BRCA2: variants seen among roughly 807,000 people sequenced by gnomAD.
BRCA2 encodes the protein breast cancer type 2 susceptibility protein.
Under a neutral mutation model 276.7 loss-of-function variants are expected in BRCA2, and 203 were observed. That is an observed-to-expected ratio of 0.73 (90% CI 0.65 to 0.82). The LOEUF is 0.82. Among genes scored for constraint, BRCA2 ranks in the 40% least tolerant of loss-of-function variants. The probability of loss-of-function intolerance (pLI) is 0.00; values close to 1 mark genes in which losing one functional copy is unlikely to be tolerated. For missense variants in BRCA2, 3,920 were observed against 3,915.0 expected, an observed-to-expected ratio of 1.00 and a Z score of -0.03; for synonymous variants, 1,289 against 1,338.4, an observed-to-expected ratio of 0.96 and a Z score of 0.81.
rs79347017 is a variant in BRCA2, at chr13:32,327,930, A to G, written c.631+1317A>G. Among the ~76,000 whole-genome samples the G allele has an allele frequency of 0.041, 6,216 of 151,910 alleles. 220 individuals are homozygous for G. The highest frequency in any genetic ancestry group is 0.11 in the South Asian group (548 of 4,806). ...GGACTACAGGTACCATGCCACCAGTATACTACCAGTCCTGGCTAATTTTTT... is the reference window on the plus strand; with the variant it reads ...GGACTACAGGTACCATGCCACCAGTGTACTACCAGTCCTGGCTAATTTTTT... On this transcript the variant is annotated intron_variant, in intron 7 of 26. Transcript: ENST00000380152.
intron 24 of BRCA2, among the ~76,000 whole-genome samples, chr13:32,392,243 T>C (rs2137647313): frequency 6.6e-6 from 1 of 152,312 alleles, no homozygotes; most frequent in African/African-American, 2.4e-5. Context: ...AACGGATACA[T>C]AATTCTCAGA....
chr13:32,379,263 A>G (rs2072895649), intron 21 of BRCA2, 54 bp from the exon 22 acceptor site: 3 of 1,575,868 alleles, frequency 1.9e-6, no homozygotes, highest in Admixed American at 1.7e-5. Context: ...GTTACAATAG[A>G]TGGAACTTTT....
chr13:32,332,348 C>A lies in BRCA2; in HGVS notation c.870C>A (p.Val290=), dbSNP rs1177514552. The A allele has an allele frequency of 6.3e-7, 1 of 1,597,638 alleles. No homozygotes were observed. Among genetic ancestry groups the A allele is most frequent in the South Asian group, 1.1e-5 (1 of 87,742 alleles). The change falls in exon 10 of 27, where the codon GTC becomes GTA. Residue 290 remains valine, a synonymous_variant. Coordinates refer to ENST00000380152, the MANE Select transcript of BRCA2 (RefSeq NM_000059.4). ...KDHIGKSMPN[V]LEDEVYETVV... ...ACATTGGAAAGTCAATGCCAAATGTCCTAGAAGATGAAGTATATGAAACAG... is the reference window on the plus strand; with the variant it reads ...ACATTGGAAAGTCAATGCCAAATGTACTAGAAGATGAAGTATATGAAACAG...
rs1401510742 is a variant in BRCA2 at position 32,376,709 on chromosome 13, C to G, written c.8672C>G (p.Thr2891Arg). 2 of 1,614,108 alleles carry G rather than the reference C, an allele frequency of 1.2e-6. No individual in the cohort carries two copies. The highest frequency in any genetic ancestry group is 1.7e-6 in the Non-Finnish European group (2 of 1,179,998). ...CCATATTTACCATCACGTGCACTAACAAGACAGCAAGTTCGTGCTTTGCAA... is the reference window on the plus strand; with the variant it reads ...CCATATTTACCATCACGTGCACTAAGAAGACAGCAAGTTCGTGCTTTGCAA... The part of the protein sequence containing the change: ...TKPYLPSRAL[T>R]RQQVRALQDG... Residue 2891 changes from threonine to arginine, a missense_variant, in exon 21 of 27, where the codon ACA becomes AGA. Physicochemically the swap from Thr to Arg is moderately conservative, Grantham distance 71 (BLOSUM62 -1). Transcript: ENST00000380152.
chr13:32,318,732 C>G (rs1392664505), intron 2 of BRCA2, among the ~76,000 whole-genome samples: 1 of 152,154 alleles, frequency 6.6e-6, no homozygotes, highest in Non-Finnish European at 1.5e-5. Flanking sequence ...GCCCCCGCAC[C>G]TGGCCGAATT....
In BRCA2 at chr13:32,358,127, A is replaced by G. The variant is rs575726783; in HGVS notation, c.7805+198A>G. On this transcript the variant is annotated intron_variant, in intron 16 of 26. Coordinates refer to ENST00000380152, the MANE Select transcript of BRCA2 (RefSeq NM_000059.4). ...TTTGTCCTGGGGTTTAATGAACTGG[A>G]TTTTCTTGATTTGGGACATTTTTCT... 5.5e-4 allele frequency among the ~76,000 whole-genome samples: 83 copies of G among 152,224 alleles called. 1 individual carries two copies. The South Asian group carries it at 0.015, about 27-fold the overall frequency.
chr13:32,338,238 C>A lies in BRCA2; in HGVS notation c.3883C>A (p.Gln1295Lys), dbSNP rs879255309. 1 of 1,539,680 alleles carries A rather than the reference C, an allele frequency of 6.5e-7. No individual in the cohort carries two copies. Among genetic ancestry groups the A allele is most frequent in the Non-Finnish European group, 8.8e-7 (1 of 1,142,550 alleles). Residue 1295 changes from glutamine (Q) to lysine (K), a missense_variant, in exon 11 of 27, where the codon CAA (glutamine) becomes AAA (lysine). Transcript: ENST00000380152. Reference protein sequence around the residue: ...EKNNKCQLILQNNIEMTTGTF... With the variant: ...EKNNKCQLILKNNIEMTTGTF... ...AAATAATAAATGCCAACTGATATTA[C>A]AAAATAATATTGAAATGACTACTGG... is the stretch of plus-strand genomic sequence containing the variant.
intron 2 of BRCA2, among the ~76,000 whole-genome samples, chr13:32,318,486 G>A (rs957911745): frequency 6.6e-6 from 1 of 151,552 alleles, no homozygotes; most frequent in African/African-American, 2.4e-5. Flanking sequence ...CTGTTGCCCA[G>A]GCTGGAATGC....
chr13:32,391,576 G>C (rs1286876311), intron 24 of BRCA2, among the ~76,000 whole-genome samples: 1 of 152,220 alleles, frequency 6.6e-6, no homozygotes, highest in African/African-American at 2.4e-5. Context: ...CCGCACCATG[G>C]CATCCACTCC....
At chr13:32,396,044 G>A (rs2073034949) in intron 25 of BRCA2, 1 of 213,334 alleles carries the variant, frequency 4.7e-6, no homozygotes. Flanking sequence ...CACAATCTCG[G>A]ATCACTGCAG....
chr13:32,350,634 T>C (rs2072642360), intron 13 of BRCA2, among the ~76,000 whole-genome samples: 1 of 151,836 alleles, frequency 6.6e-6, no homozygotes, highest in African/African-American at 2.4e-5. Context: ...GCGCCTGTAG[T>C]CCCAGCTACT....
Position 32,337,877 on chromosome 13 carries a change from T to C in BRCA2, c.3522T>C (p.Gly1174=), listed in dbSNP as rs1264758829. Residue 1174 remains glycine, a synonymous_variant, in exon 11 of 27, where the codon GGT becomes GGC. Coordinates refer to ENST00000380152, the MANE Select transcript of BRCA2 (RefSeq NM_000059.4). The stretch of plus-strand genomic sequence containing the variant: ...TCATAATGAATGCCCCATCGATTGG[T>C]CAGGTAGACAGCAGCAAGCAATTTG... The part of the protein sequence containing the change: ...LHVIMNAPSI[G]QVDSSKQFEG... The C allele has an allele frequency of 6.2e-7, 1 of 1,613,970 alleles. No individual in the cohort carries two copies. Among genetic ancestry groups the C allele is most frequent in the African/African-American group, 1.3e-5 (1 of 74,930 alleles).
Position 32,338,943 on chromosome 13 carries a change from A to T in BRCA2, c.4588A>T (p.Lys1530Ter), listed in dbSNP as rs80358692. 1 of 1,612,110 alleles carries T rather than the reference A, an allele frequency of 6.2e-7. No individual in the cohort carries two copies. The highest frequency in any genetic ancestry group is 8.5e-7 in the Non-Finnish European group (1 of 1,178,502). Residue 1530 changes from lysine to a stop codon, truncating the protein, a stop_gained, in exon 11 of 27, where the codon AAA (lysine) becomes TAA (stop). Transcript: ENST00000380152. LOFTEE classifies it high-confidence loss of function. ...ATTGGGTTTTCATACAGCTAGCGGG[A>T]AAAAAGTTAAAATTGCAAAGGAATC... ...TLLGFHTASG[K>*]KVKIAKESLD...
intron 10 of BRCA2, among the ~76,000 whole-genome samples, chr13:32,334,675 G>T (rs1454506720): frequency 1.7e-5 from 2 of 118,592 alleles, no homozygotes; most frequent in Non-Finnish European, 3.6e-5. Context: ...CCTTGTCCCT[G>T]AAAAAAAAAA....
intron 18 of BRCA2, 41 bp from the exon 19 acceptor site, chr13:32,370,361 A>C (rs751662106): frequency 6.4e-7 from 1 of 1,563,588 alleles, no homozygotes; most frequent in Non-Finnish European, 8.8e-7. Flanking sequence ...AATTGAATAC[A>C]TATTTAACTA....
chr13:32,393,038 T>C (rs965236835), intron 24 of BRCA2, among the ~76,000 whole-genome samples: 14 of 152,248 alleles, frequency 9.2e-5, no homozygotes, highest in African/African-American at 2.9e-4. Flanking sequence ...GATGAAGTTA[T>C]GCATTTCTGG....
Position 32,337,302 on chromosome 13 carries a change from C to T in BRCA2, c.2947C>T (p.Pro983Ser), listed in dbSNP as rs587781848. ...CATCTCCTTGAATATAGATAAAATA[C>T]CAGAAAAAAATAATGATTACATGAA... is the stretch of plus-strand genomic sequence containing the variant. Reference protein sequence around the residue: ...SDISLNIDKIPEKNNDYMNKW... With the variant: ...SDISLNIDKISEKNNDYMNKW... The change falls in exon 11 of 27, where the codon CCA becomes TCA. Residue 983 changes from proline (P) to serine (S), a missense_variant. Transcript: ENST00000380152. 1 of 1,612,196 alleles carries T rather than the reference C, an allele frequency of 6.2e-7. No homozygotes were observed. Among genetic ancestry groups the T allele is most frequent in the Non-Finnish European group, 8.5e-7 (1 of 1,179,500 alleles).
chr13:32,377,706 A>G (rs1365184210), intron 21 of BRCA2, among the ~76,000 whole-genome samples: 2 of 152,160 alleles, frequency 1.3e-5, no homozygotes, highest in East Asian at 1.9e-4. Flanking sequence ...ACATAATTTT[A>G]TATATTAAAC....
At chr13:32,390,469 TA>T (rs941751109) in intron 24 of BRCA2, among the ~76,000 whole-genome samples, 4 of 152,138 alleles carry the variant, frequency 2.6e-5, no homozygotes, top group African/African-American at 9.7e-5. Context: ...AACATAATAA[TA>T]AAACAAACTG....
Sources: gnomAD v4.1 joint callset for allele counts (sites outside exome capture counted in the v4.1 genomes callset) on GRCh38, gnomAD v4.1.1 for gene constraint, MANE v1.5 for transcripts, NCBI Gene and HGNC (gene_info 2026-07-23, HGNC 2026-07-21) for gene names.